Variants in KIF13A observed in about 807,000 individuals in gnomAD.
KIF13A encodes kinesin-like protein KIF13A.
A neutral mutation model predicts 212.2 loss-of-function variants in KIF13A; 79 were observed. The observed-to-expected ratio is 0.37, with a 90% CI of 0.31 to 0.45. The LOEUF is 0.45. Among genes scored for constraint, KIF13A ranks in the 20% least tolerant of loss-of-function variants. KIF13A has a pLI of 1.00. For synonymous variants in KIF13A, 789 were observed against 808.6 expected (o/e 0.98, Z 0.41); for missense variants, 1,901 against 2,209.0 (o/e 0.86, Z 2.79).
At chr6:17,910,603 T>G (rs146702269) in intron 2 of KIF13A, among the ~76,000 whole-genome samples, 1 of 152,338 alleles carries the variant, frequency 6.6e-6, no homozygotes, top group African/African-American at 2.4e-5. Context: ...TGTCAAAAAA[T>G]TTTTTAAATT....
chr6:17,977,189 G>C (rs936200917), intron 2 of KIF13A, among the ~76,000 whole-genome samples: 2 of 151,288 alleles, frequency 1.3e-5, no homozygotes, highest in African/African-American at 4.9e-5. Flanking sequence ...GAACATGTCA[G>C]GGTGGGGCCC....
Position 17,855,778 on chromosome 6 carries a change from A to T in KIF13A, c.314-161T>A, listed in dbSNP as rs1416374629. Among the ~76,000 whole-genome samples the T allele has an allele frequency of 6.6e-6, 1 of 152,198 alleles. No individual in the cohort carries two copies. The highest frequency in any genetic ancestry group is 1.5e-5 in the Non-Finnish European group (1 of 68,030). Reference sequence around the variant, plus strand: ...GCTCAGGCTGGAGTGCAGTGGTGTGATCATGGCTCACTACAGTCTCAAACT... The same window carrying T: ...GCTCAGGCTGGAGTGCAGTGGTGTGTTCATGGCTCACTACAGTCTCAAACT... On this transcript the variant is annotated intron_variant, in intron 5 of 38. Transcript: ENST00000259711. The surrounding 1 kb of genome is among the most constrained non-coding windows in gnomAD (Gnocchi z 4.1).
rs1761155599 is a variant in KIF13A, at chr6:17,787,452, A to G, written c.3361+324T>C. 6.6e-6 allele frequency among the ~76,000 whole-genome samples: 1 copy of G among 152,100 alleles called. No individual in the cohort carries two copies. Among genetic ancestry groups the G allele is most frequent in the African/African-American group, 2.4e-5 (1 of 41,402 alleles). ...AGGATCACTTGAGTCCGGGAGTTTG[A>G]GACCAGCCTGGGCAACAAAGTGAGA... is the stretch of plus-strand genomic sequence containing the variant. On this transcript the variant is annotated intron_variant, in intron 27 of 38. Transcript: ENST00000259711. The surrounding 1 kb of genome is among the most constrained non-coding windows in gnomAD (Gnocchi z 4.6).
intron 2 of KIF13A, among the ~76,000 whole-genome samples, chr6:17,920,592 G>A (rs1007155356): frequency 2.0e-5 from 3 of 152,078 alleles, no homozygotes; most frequent in Non-Finnish European, 2.9e-5. Context: ...AGTAATATGC[G>A]GCTGGGTGCG....
intron 38 of KIF13A, among the ~76,000 whole-genome samples, chr6:17,767,049 C>G (rs1457314974): frequency 6.6e-6 from 1 of 152,072 alleles, no homozygotes; most frequent in Non-Finnish European, 1.5e-5. Context: ...ATTGGCAAAA[C>G]AAAATTTTTG....
At chr6:17,923,254 A>C (rs1042220401) in intron 2 of KIF13A, among the ~76,000 whole-genome samples, 1 of 150,290 alleles carries the variant, frequency 6.7e-6, no homozygotes, top group Non-Finnish European at 1.5e-5. Context: ...AGCCTAGGCG[A>C]TGGGATTGAA....
rs746979151 is a variant in KIF13A, at chr6:17,816,957, C to T, written c.2000+63G>A. 5.8e-6 allele frequency: 8 copies of T among 1,375,692 alleles called. No individual in the cohort carries two copies. Among genetic ancestry groups the T allele is most frequent in the Non-Finnish European group, 7.9e-6 (8 of 1,009,436 alleles). The allele number at this position is 1,375,692 out of a possible 1,614,324, so 85.2% of individuals were successfully genotyped here. On this transcript the variant is annotated intron_variant, in intron 17 of 38. Coordinates refer to ENST00000259711, the MANE Select transcript of KIF13A (RefSeq NM_022113.6). This position sits in a 1 kb window ranked among gnomAD's most constrained non-coding sequence, Gnocchi z 4.3. ...TTGTCCCTGACATGTCTCAAAAACC[C>T]CTCCCTCAAAGACCCACGGCCTTGG...
intron 17 of KIF13A, among the ~76,000 whole-genome samples, chr6:17,810,335 T>C (rs73722831): frequency 2.3e-3 from 349 of 152,318 alleles, no homozygotes; most frequent in African/African-American, 7.9e-3. Flanking sequence ...GTTCCTCGGC[T>C]CAAGGCCTTG....
rs1561769631 is a variant in KIF13A at position 17,926,281 on chromosome 6, G to C, written c.147-28101C>G. ...GAGTCTCACTCTGTCACCCAGACTGGAATGCAGTGGCACAATCTTGGCTCA... is the reference window on the plus strand; with the variant it reads ...GAGTCTCACTCTGTCACCCAGACTGCAATGCAGTGGCACAATCTTGGCTCA... On this transcript the variant is annotated intron_variant, in intron 2 of 38. Coordinates refer to ENST00000259711, the MANE Select transcript of KIF13A (RefSeq NM_022113.6). This position sits in a 1 kb window ranked among gnomAD's most constrained non-coding sequence, Gnocchi z 4.3. Among the ~76,000 whole-genome samples the C allele has an allele frequency of 6.6e-6, 1 of 152,088 alleles. No individual in the cohort carries two copies. The highest frequency in any genetic ancestry group is 1.5e-5 in the Non-Finnish European group (1 of 68,016).
chr6:17,805,444 C>G, intron 19 of KIF13A, 31 bp downstream of exon 19: 1 of 1,585,362 alleles, frequency 6.3e-7, no homozygotes, highest in East Asian at 2.3e-5. Context: ...TTTAACATAA[C>G]AAAATCTCCA....
At position 17,824,098 on chromosome 6, in the gene KIF13A, G is replaced by A. The variant is rs1320246687; in HGVS notation, c.1786+1670C>T. Among the ~76,000 whole-genome samples the A allele has an allele frequency of 2.6e-5, 4 of 151,676 alleles. No homozygotes were observed. The East Asian group carries it at 7.9e-4, about 30-fold the overall frequency. ...AACTTTTGTATTTTTTGGAGATATG[G>A]GGTTTTGCCATGTTGGTCAGGCTAG... On this transcript the variant is annotated intron_variant, in intron 16 of 38. Coordinates refer to ENST00000259711, the MANE Select transcript of KIF13A (RefSeq NM_022113.6).
intron 2 of KIF13A, among the ~76,000 whole-genome samples, chr6:17,909,519 A>G (rs1464512708): frequency 6.7e-6 from 1 of 148,756 alleles, no homozygotes; most frequent in African/African-American, 2.5e-5. Flanking sequence ...TGGGCAACAG[A>G]GTGAGACTCT....
intron 25 of KIF13A, among the ~76,000 whole-genome samples, chr6:17,791,271 G>A (rs1239630734): frequency 6.6e-6 from 1 of 151,786 alleles, no homozygotes; most frequent in African/African-American, 2.4e-5. Context: ...TATGGAGGTA[G>A]TTCTATTAAC....
rs192971876 is a variant in KIF13A, at chr6:17,849,504, C to T, written c.718-15G>A. 848 of 1,590,906 alleles carry T rather than the reference C, an allele frequency of 5.3e-4. 6 individuals carry two copies. In the African/African-American group the frequency reaches 1.0e-2, roughly 19 times the overall value. On this transcript the variant is annotated splice_polypyrimidine_tract_variant and intron_variant, in intron 8 of 38. Transcript: ENST00000259711. This position sits in a 1 kb window ranked among gnomAD's most constrained non-coding sequence, Gnocchi z 5.7. ...TCCCCGGAATTCTAGTTATAGGAAACGAGAGAGAGAAGAAAAACTTATCAA... is the reference window on the plus strand; with the variant it reads ...TCCCCGGAATTCTAGTTATAGGAAATGAGAGAGAGAAGAAAAACTTATCAA...
chr6:17,779,465 T>G, intron 32 of KIF13A, 127 bp downstream of exon 32: 2 of 455,832 alleles, frequency 4.4e-6, no homozygotes, highest in Admixed American at 4.0e-5. Context: ...AGAGATAGGG[T>G]TTCTCCATGT....
In KIF13A at chr6:17,837,965, A is replaced by G. The variant is rs1313130802; in HGVS notation, c.831-382T>C. On this transcript the variant is annotated intron_variant, in intron 9 of 38. Transcript: ENST00000259711. The surrounding 1 kb of genome is among the most constrained non-coding windows in gnomAD (Gnocchi z 5.4). ...GAGACTCTTTCAAAAAAACAAAAAC[A>G]AAGAAACCCCAAAAAACCAAAATAT... Among the ~76,000 whole-genome samples, 1 of 140,122 alleles carries G rather than the reference A, an allele frequency of 7.1e-6. No individual in the cohort carries two copies. Among genetic ancestry groups the G allele is most frequent in the East Asian group, 2.0e-4 (1 of 4,956 alleles). The allele number at this position is 140,122 out of a possible 152,430, so 91.9% of individuals were successfully genotyped here.
rs1763258603 is a variant in KIF13A, at chr6:17,809,603, A to C, written c.2001-673T>G. Among the ~76,000 whole-genome samples, 1 of 152,190 alleles carries C rather than the reference A, an allele frequency of 6.6e-6. No individual in the cohort carries two copies. The highest frequency in any genetic ancestry group is 1.5e-5 in the Non-Finnish European group (1 of 68,042). ...CTAGGCTGTTAGGTTGCCCCAAGGCAGGGACCATGTCTTTTTTTGCTTGCA... is the reference window on the plus strand; with the variant it reads ...CTAGGCTGTTAGGTTGCCCCAAGGCCGGGACCATGTCTTTTTTTGCTTGCA... On this transcript the variant is annotated intron_variant, in intron 17 of 38. Coordinates refer to ENST00000259711, the MANE Select transcript of KIF13A (RefSeq NM_022113.6). This position sits in a 1 kb window ranked among gnomAD's most constrained non-coding sequence, Gnocchi z 4.7.
intron 4 of KIF13A, among the ~76,000 whole-genome samples, chr6:17,870,605 C>T (rs554966779): frequency 8.2e-4 from 125 of 152,262 alleles, no homozygotes; most frequent in Non-Finnish European, 8.7e-4. Flanking sequence ...TTTTAACCAC[C>T]TCACTCCAAT....
In KIF13A at chr6:17,785,766, G is replaced by T. The variant is rs914372759; in HGVS notation, c.3362-125C>A. 1.2e-6 allele frequency: 1 copy of T among 858,394 alleles called. No homozygotes were observed. The highest frequency in any genetic ancestry group is 1.8e-6 in the Non-Finnish European group (1 of 557,968). The allele number at this position is 858,394 out of a possible 1,614,324, so 53.2% of individuals were successfully genotyped here. On this transcript the variant is annotated intron_variant, in intron 27 of 38. Transcript: ENST00000259711. This position sits in a 1 kb window ranked among gnomAD's most constrained non-coding sequence, Gnocchi z 5.8. ...CATCTCTACCAAAAAAAAAAAAATA[G>T]TTGGGCAGGGTGGTGGTACGCATGC...
Sources: gnomAD v4.1 joint callset for allele counts (sites outside exome capture counted in the v4.1 genomes callset) on GRCh38, gnomAD v4.1.1 for gene constraint, Gnocchi (gnomAD v3.1) non-coding constraint, MANE v1.5 for transcripts, NCBI Gene and HGNC (gene_info 2026-07-23, HGNC 2026-07-21) for gene names.